GRP: variants seen among roughly 807,000 people sequenced by gnomAD.
The protein encoded by GRP is gastrin releasing peptide.
In GRP, 11 loss-of-function variants were observed where a neutral mutation model predicts 12.7. That is an observed-to-expected ratio of 0.87 (90% CI 0.55 to 1.44). The LOEUF (loss-of-function observed/expected upper bound fraction) is 1.44, where lower values mean the gene tolerates loss of function less well. Among genes scored for constraint, GRP ranks in the 40% most tolerant of loss-of-function variants. The pLI is 0.00. For synonymous variants in GRP, 84 were observed against 77.7 expected (o/e 1.08, Z -0.43); for missense variants, 212 against 185.4 (o/e 1.14, Z -0.83).
Position 59,223,204 on chromosome 18 carries a change from T to A in GRP, c.140-2288T>A, listed in dbSNP as rs2069863228. On this transcript the variant is annotated intron_variant, in intron 1 of 2. Transcript: ENST00000256857. ...TTTTATTTTTTCAAGTGCCTGTCTT[T>A]TGTCTATGGTGAGGTTTCCATTATT... 5.3e-5 allele frequency among the ~76,000 whole-genome samples: 8 copies of A among 152,360 alleles called. No homozygotes were observed. The South Asian group carries it at 1.7e-3, about 32-fold the overall frequency.
chr18:59,227,032 T>TCTTTCTTTCTTTCTTCCTTC (rs1568084976), intron 2 of GRP, among the ~76,000 whole-genome samples: 100 of 141,460 alleles, frequency 7.1e-4, no homozygotes, highest in Non-Finnish European at 1.2e-3. Flanking sequence ...TTTCTTTCTT[T>TCTTTCTTTCTTTCTTCCTTC]CTTTCTTTCT....
intron 2 of GRP, among the ~76,000 whole-genome samples, chr18:59,226,373 A>T (rs1245425704): frequency 6.6e-6 from 1 of 152,232 alleles, no homozygotes; most frequent in African/African-American, 2.4e-5. Context: ...AAGCAAGGCA[A>T]CTGAAAATGA....
At chr18:59,230,089 A>G (rs56102212) in intron 2 of GRP, among the ~76,000 whole-genome samples, 7,403 of 152,282 alleles carry the variant, frequency 0.049, 314 homozygotes, top group African/African-American at 0.11. Flanking sequence ...TCATATCAGG[A>G]TGCATGTTAA....
At chr18:59,227,225 C>T (rs1470160690) in intron 2 of GRP, among the ~76,000 whole-genome samples, 2 of 151,894 alleles carry the variant, frequency 1.3e-5, no homozygotes, top group African/African-American at 4.8e-5. Flanking sequence ...CTGAAGTTCA[C>T]TTGTTGCACT....
intron 1 of GRP, among the ~76,000 whole-genome samples, chr18:59,222,925 G>C (rs1248994711): frequency 6.6e-6 from 1 of 152,160 alleles, no homozygotes; most frequent in Admixed American, 6.5e-5. Flanking sequence ...GCTCCTAACT[G>C]TGGTTCTAAC....
intron 2 of GRP, among the ~76,000 whole-genome samples, chr18:59,226,566 T>C (rs369948327): frequency 1.6e-3 from 241 of 152,310 alleles, no homozygotes; most frequent in African/African-American, 5.2e-3. Context: ...ATTCTATTAT[T>C]CTCTCCATTT....
At chr18:59,222,440 C>T (rs1394806724) in intron 1 of GRP, among the ~76,000 whole-genome samples, 9 of 152,158 alleles carry the variant, frequency 5.9e-5, no homozygotes, top group African/African-American at 1.4e-4. Flanking sequence ...CCTTTGATAA[C>T]TGTGCAGAGT....
At chr18:59,219,434 G>C (rs2069790723), upstream of GRP, among the ~76,000 whole-genome samples, 2 of 125,186 alleles carry the variant, frequency 1.6e-5, no homozygotes, top group Admixed American at 1.6e-4. Context: ...AGGGGAGAGA[G>C]AGAGGGATGG....
intron 2 of GRP, 101 bp downstream of exon 2, chr18:59,225,835 A>T (rs1356286292): frequency 1.9e-6 from 2 of 1,043,076 alleles, no homozygotes; most frequent in Non-Finnish European, 2.8e-6. Context: ...TATGATATAA[A>T]CCTTCACAGT....
intron 1 of GRP, among the ~76,000 whole-genome samples, chr18:59,224,139 C>G (rs999649337): frequency 1.8e-4 from 27 of 152,230 alleles, no homozygotes; most frequent in Non-Finnish European, 2.9e-5. Context: ...ATATTCTTAG[C>G]AAGTTAGAAG....
chr18:59,220,289 G>A lies in GRP; in HGVS notation c.24G>A (p.Leu8=), dbSNP rs1208668613. 1 of 1,505,420 alleles carries A rather than the reference G, an allele frequency of 6.6e-7. No individual in the cohort carries two copies. The highest frequency in any genetic ancestry group is 8.8e-7 in the Non-Finnish European group (1 of 1,131,672). The allele number at this position is 1,505,420 out of a possible 1,614,324, so 93.3% of individuals were successfully genotyped here. Residue 8 remains leucine (L), a synonymous_variant, in exon 1 of 3, where the codon CTG becomes CTA. Transcript: ENST00000256857. The part of the protein sequence containing the change: MRGRELP[L]VLLALVLCLA... ...CCATGCGCGGCCGTGAGCTCCCGCT[G>A]GTCCTGCTGGCGCTGGTCCTCTGCC...
At position 59,230,424 on chromosome 18, in the gene GRP, G is replaced by C. The variant is rs1453185811; in HGVS notation, c.403G>C (p.Gly135Arg). 4 of 1,595,242 alleles carry C rather than the reference G, an allele frequency of 2.5e-6. No individual in the cohort carries two copies. In the South Asian group the frequency reaches 4.4e-5, roughly 18 times the overall value. Reference protein sequence around the residue: ...KGKVGRLSAPGSQREGRNPQL... With the variant: ...KGKVGRLSAPRSQREGRNPQL... ...TTAAGTTGGTAGACTCTCTGCTCCA[G>C]GTTCTCAACGTGAAGGAAGGAACCC... The change falls in exon 3 of 3, where the codon GGT becomes CGT. Residue 135 changes from glycine (G) to arginine (R), a missense_variant. Physicochemically the swap from Gly to Arg is moderately radical, Grantham distance 125. Coordinates refer to ENST00000256857, the MANE Select transcript of GRP (RefSeq NM_002091.5).
Position 59,229,177 on chromosome 18 carries a change from GGAGTA to G in GRP, c.383-1221_383-1217del, listed in dbSNP as rs140199663. The stretch of plus-strand genomic sequence containing the variant: ...TGATTACCCTGGCACTTTCTATGAA[GGAGTA>G]GAGTAAAGTTGGCCCCCACCTGGAA... On this transcript the variant is annotated intron_variant, in intron 2 of 2. Transcript: ENST00000256857. Among the ~76,000 whole-genome samples the G allele has an allele frequency of 8.9e-3, 1,348 of 152,230 alleles. 11 individuals carry two copies. The highest frequency in any genetic ancestry group is 0.03 in the African/African-American group (1,240 of 41,516).
chr18:59,229,773 T>G (rs1049923625), intron 2 of GRP, among the ~76,000 whole-genome samples: 2 of 152,216 alleles, frequency 1.3e-5, no homozygotes, highest in Non-Finnish European at 2.9e-5. Context: ...TCATTCTTTC[T>G]TTAGCCTTAG....
In GRP at chr18:59,220,230, C is replaced by T; in HGVS notation, c.-36C>T. 1 of 1,422,254 alleles carries T rather than the reference C, an allele frequency of 7.0e-7. No homozygotes were observed. The highest frequency in any genetic ancestry group is 1.4e-5 in the South Asian group (1 of 69,066). 88.1% of individuals were successfully genotyped at this position (1,422,254 alleles called of 1,614,324 possible). On this transcript the variant is annotated 5_prime_UTR_variant, in exon 1 of 3. Transcript: ENST00000256857. ...GTCACCAGTCTCTGCTCTTCCCAGC[C>T]TCTCCGGCGCGCTCCAAGGGCTTCC...
At chr18:59,219,284 G>C (rs1034061722), upstream of GRP, among the ~76,000 whole-genome samples, 1 of 150,936 alleles carries the variant, frequency 6.6e-6, no homozygotes, top group East Asian at 1.9e-4. Flanking sequence ...TGTGAAAAGG[G>C]CCAGCTATCT....
intron 1 of GRP, among the ~76,000 whole-genome samples, chr18:59,223,110 C>T (rs1038262802): frequency 2.0e-5 from 3 of 152,180 alleles, no homozygotes; most frequent in African/African-American, 7.2e-5. Context: ...CTGTTTCAAA[C>T]CTTCCCTTTA....
intron 2 of GRP, 110 bp from the exon 3 acceptor site, chr18:59,230,294 C>A (rs1603384891): frequency 1.4e-6 from 1 of 719,500 alleles, no homozygotes; most frequent in Non-Finnish European, 2.5e-6. Flanking sequence ...CAAGAATTTG[C>A]CTTTCTAACA....
intron 1 of GRP, among the ~76,000 whole-genome samples, chr18:59,221,907 G>A (rs1403090801): frequency 6.6e-6 from 1 of 152,296 alleles, no homozygotes; most frequent in Admixed American, 6.5e-5. Context: ...TGAGGGACAG[G>A]AGGAACCCAG....
Sources: allele counts gnomAD v4.1 joint callset (sites outside exome capture counted in the v4.1 genomes callset), GRCh38; gene constraint gnomAD v4.1.1; transcripts MANE v1.5; gene names NCBI Gene and HGNC (gene_info 2026-07-23, HGNC 2026-07-21).